Variants in SLFN14 observed in about 807,000 individuals in gnomAD.
SLFN14 encodes the protein protein SLFN14.
Under a neutral mutation model 58.6 loss-of-function variants are expected in SLFN14, and 47 were observed. The ratio of observed to expected loss-of-function variants is 0.80; its 90% confidence interval spans 0.64 to 1.02. The LOEUF (loss-of-function observed/expected upper bound fraction) is 1.02. SLFN14 is among the 50% of genes least tolerant of loss of function. The pLI is 0.00. For synonymous variants in SLFN14, 390 were observed against 387.3 expected (o/e 1.01, Z -0.08); for missense variants, 967 against 1,078.4 (o/e 0.90, Z 1.45).
chr17:35,548,748 C>T lies in SLFN14; in HGVS notation c.2230G>A (p.Glu744Lys), dbSNP rs1392734933. Reference sequence around the variant, plus strand: ...TTTTCTTTGATCCTCTTCATTTCTTCTTTCATAACCTTCGCTATTTCCAGA... The same window carrying T: ...TTTTCTTTGATCCTCTTCATTTCTTTTTTCATAACCTTCGCTATTTCCAGA... ...CALEIAKVMKEEMKRIKENPP... is the reference protein window; with the variant it reads ...CALEIAKVMKKEMKRIKENPP... Residue 744 changes from glutamate to lysine, a missense_variant, in exon 6 of 6, where the codon GAA becomes AAA. By Grantham distance (56) the Glu-to-Lys change is moderately conservative. Coordinates refer to ENST00000674182, the MANE Select transcript of SLFN14 (RefSeq NM_001129820.2). 6.4e-7 allele frequency: 1 copy of T among 1,551,730 alleles called. No individual in the cohort carries two copies. The highest frequency in any genetic ancestry group is 8.7e-7 in the Non-Finnish European group (1 of 1,147,002).
rs532318792 is a variant in SLFN14 at position 35,557,325 on chromosome 17, C to G, written c.738G>C (p.Gly246=). 1 of 1,551,662 alleles carries G rather than the reference C, an allele frequency of 6.4e-7. No individual in the cohort carries two copies. Among genetic ancestry groups the G allele is most frequent in the East Asian group, 2.4e-5 (1 of 40,918 alleles). Residue 246 remains glycine, a synonymous_variant, in exon 3 of 6, where the codon GGG becomes GGC. Coordinates refer to ENST00000674182, the MANE Select transcript of SLFN14 (RefSeq NM_001129820.2). The part of the protein sequence containing the change: ...ANTQGGYVLI[G]VDDKSKEVVG... ...CCACTTCTTTGCTCTTATCATCCAC[C>G]CCAATGAGGACATATCCCCCTTGAG... is the stretch of plus-strand genomic sequence containing the variant.
Position 35,553,077 on chromosome 17 carries a change from CTG to C in SLFN14, c.1555_1556del (p.Gln519GlufsTer2). 1.9e-6 allele frequency: 3 copies of C among 1,551,670 alleles called. No homozygotes were observed. In the African/African-American group the frequency reaches 4.1e-5, roughly 21 times the overall value. On this transcript the variant is annotated frameshift_variant, in exon 5 of 6. Transcript: ENST00000674182. LOFTEE classifies it high-confidence loss of function. ...IPRLIHLSST[Q>X]SRPGEIPLRY... ...GCAGGGGGATCTCACCAGGTCTACTCTGTGTGCTGCTCAGGTGTATCAGCCTT... is the reference window on the plus strand; with the variant it reads ...GCAGGGGGATCTCACCAGGTCTACTCTGTGCTGCTCAGGTGTATCAGCCTT...
chr17:35,553,710 C>A (rs1227741859), intron 4 of SLFN14, among the ~76,000 whole-genome samples: 1 of 152,106 alleles, frequency 6.6e-6, no homozygotes, highest in African/African-American at 2.4e-5. Flanking sequence ...GTGATCTTGG[C>A]TCACTGCAGC....
chr17:35,548,056 G>A lies in SLFN14; in HGVS notation c.*183C>T. On this transcript the variant is annotated 3_prime_UTR_variant, in exon 6 of 6. Transcript: ENST00000674182. ...GTATAGGTAGGAGGTGAAGGAAATT[G>A]TGAAAAGGCCAGTGGCATTGAAATA... 1.6e-6 allele frequency: 1 copy of A among 625,604 alleles called. No individual in the cohort carries two copies. The highest frequency in any genetic ancestry group is 2.1e-5 in the South Asian group (1 of 48,250). 38.8% of individuals were successfully genotyped at this position (625,604 alleles called of 1,614,324 possible).
chr17:35,558,952 T>C (rs1295589107), intron 2 of SLFN14, among the ~76,000 whole-genome samples: 3 of 152,072 alleles, frequency 2.0e-5, no homozygotes, highest in Non-Finnish European at 2.9e-5. Flanking sequence ...AGCTCACATG[T>C]GTAATCTCAG....
At chr17:35,552,599 A>AAT (rs1193156197) in intron 5 of SLFN14, 131 bp downstream of exon 5, 64 of 321,366 alleles carry the variant, frequency 2.0e-4, no homozygotes, top group Middle Eastern at 1.1e-3. Context: ...CTGCAAAAAG[A>AAT]ATATATATAT....
chr17:35,549,488 T>C (rs1166480973), intron 5 of SLFN14, among the ~76,000 whole-genome samples: 2 of 152,242 alleles, frequency 1.3e-5, no homozygotes, highest in African/African-American at 4.8e-5. Context: ...ATGCATATCA[T>C]AATTTTTATG....
intron 4 of SLFN14, among the ~76,000 whole-genome samples, chr17:35,554,135 T>A (rs1430865502): frequency 6.6e-6 from 1 of 151,866 alleles, no homozygotes; most frequent in South Asian, 2.1e-4. Flanking sequence ...TGGCTCCTTC[T>A]GCATTGGAAA....
intron 5 of SLFN14, among the ~76,000 whole-genome samples, chr17:35,549,377 C>T: frequency 6.6e-6 from 1 of 152,328 alleles, no homozygotes; most frequent in South Asian, 2.1e-4. Flanking sequence ...ATCCTGAAGA[C>T]AAGTTCATTA....
At position 35,545,343 on chromosome 17, in the gene SLFN14, G is replaced by A. The variant is rs539838031; in HGVS notation, c.*2896C>T. Among the ~76,000 whole-genome samples the A allele has an allele frequency of 3.3e-5, 5 of 152,248 alleles. No individual in the cohort carries two copies. The South Asian group carries it at 1.0e-3, about 32-fold the overall frequency. On this transcript the variant is annotated 3_prime_UTR_variant, in exon 6 of 6. Transcript: ENST00000674182. ...TGAGGCACTGTACTAGTTGCTCTAG[G>A]GGAAATAAGGATGTGTAAGTGACTC...
In SLFN14 at chr17:35,548,736, T is replaced by C; in HGVS notation, c.2242A>G (p.Arg748Gly). The part of the protein sequence containing the change: ...IAKVMKEEMK[R>G]IKENPPSNMS... ...TTGGAGGGAGGATTTTCTTTGATCC[T>C]CTTCATTTCTTCTTTCATAACCTTC... The change falls in exon 6 of 6, where the codon AGG becomes GGG. Residue 748 changes from arginine (R) to glycine (G), a missense_variant. Coordinates refer to ENST00000674182, the MANE Select transcript of SLFN14 (RefSeq NM_001129820.2). 3.2e-6 allele frequency: 5 copies of C among 1,551,738 alleles called. No individual in the cohort carries two copies. The highest frequency in any genetic ancestry group is 4.4e-6 in the Non-Finnish European group (5 of 1,147,002).
intron 3 of SLFN14, among the ~76,000 whole-genome samples, chr17:35,554,946 T>C (rs1476939865): frequency 1.3e-5 from 2 of 152,108 alleles, no homozygotes; most frequent in African/African-American, 4.8e-5. Context: ...GCAAGTCATT[T>C]CACCTCTCTC....
At chr17:35,556,880 G>A (rs2072656753) in intron 3 of SLFN14, 123 bp downstream of exon 3, 2 of 906,294 alleles carry the variant, frequency 2.2e-6, no homozygotes, top group Non-Finnish European at 3.2e-6. Flanking sequence ...ACTGTAATGG[G>A]AGAACACTTA....
rs1311970185 is a variant in SLFN14 at position 35,553,024 on chromosome 17, T to C, written c.1610A>G (p.Asp537Gly). The C allele has an allele frequency of 1.2e-5, 19 of 1,551,550 alleles. No individual in the cohort carries two copies. The highest frequency in any genetic ancestry group is 1.6e-5 in the Non-Finnish European group (18 of 1,146,956). The change falls in exon 5 of 6, where the codon GAT becomes GGT. Residue 537 changes from aspartate (D) to glycine (G), a missense_variant. Coordinates refer to ENST00000674182, the MANE Select transcript of SLFN14 (RefSeq NM_001129820.2). Reference sequence around the variant, plus strand: ...CAGCAAGTCTTCCATTTCCTCCTCATCAGCAAGCCTGTAGGACCTGGGGTA... The same window carrying C: ...CAGCAAGTCTTCCATTTCCTCCTCACCAGCAAGCCTGTAGGACCTGGGGTA... Reference protein sequence around the residue: ...LRYPRSYRLADEEEMEDLLQA... With the variant: ...LRYPRSYRLAGEEEMEDLLQA...
Position 35,553,351 on chromosome 17 carries a change from A to T in SLFN14, c.1283T>A (p.Ile428Lys), listed in dbSNP as rs1177485595. 24 of 1,551,558 alleles carry T rather than the reference A, an allele frequency of 1.5e-5. No homozygotes were observed. In the South Asian group the frequency reaches 2.7e-4, roughly 18 times the overall value. ...KELEGLMKTL[I>K]HPCSQGIVIF... ...CACAATCCCCTGAGAACAAGGATGT[A>T]TCAGGGTCTTCATTAAACCCTCCAG... Residue 428 changes from isoleucine (I) to lysine (K), a missense_variant, in exon 5 of 6, where the codon ATA (isoleucine) becomes AAA (lysine). Coordinates refer to ENST00000674182, the MANE Select transcript of SLFN14 (RefSeq NM_001129820.2).
rs978636321 is a variant in SLFN14 at position 35,546,686 on chromosome 17, A to G, written c.*1553T>C. On this transcript the variant is annotated 3_prime_UTR_variant, in exon 6 of 6. Coordinates refer to ENST00000674182, the MANE Select transcript of SLFN14 (RefSeq NM_001129820.2). ...TCAGCCATTTGGGGAACTGACTAGAAAAGGGGAACTTTGATTTCATTTCTA... is the reference window on the plus strand; with the variant it reads ...TCAGCCATTTGGGGAACTGACTAGAGAAGGGGAACTTTGATTTCATTTCTA... Among the ~76,000 whole-genome samples, 3 of 152,262 alleles carry G rather than the reference A, an allele frequency of 2.0e-5. No individual in the cohort carries two copies. The highest frequency in any genetic ancestry group is 4.8e-5 in the African/African-American group (2 of 41,462).
rs889288005 is a variant in SLFN14 at position 35,545,570 on chromosome 17, CT to C, written c.*2668del. Reference sequence around the variant, plus strand: ...AGTGCAGTGGAGTAATCATAGGTCACTGTAGCCTCAAACTCCTGGGCTCAAG... The same window carrying C: ...AGTGCAGTGGAGTAATCATAGGTCACGTAGCCTCAAACTCCTGGGCTCAAG... On this transcript the variant is annotated 3_prime_UTR_variant, in exon 6 of 6. Coordinates refer to ENST00000674182, the MANE Select transcript of SLFN14 (RefSeq NM_001129820.2). Among the ~76,000 whole-genome samples the C allele has an allele frequency of 2.7e-4, 41 of 152,258 alleles. No homozygotes were observed. Among genetic ancestry groups the C allele is most frequent in the African/African-American group, 9.9e-4 (41 of 41,548 alleles).
Position 35,553,357 on chromosome 17 carries a change from G to A in SLFN14, c.1277C>T (p.Thr426Ile), listed in dbSNP as rs190500366. 6.4e-7 allele frequency: 1 copy of A among 1,551,602 alleles called. No homozygotes were observed. Among genetic ancestry groups the A allele is most frequent in the Non-Finnish European group, 8.7e-7 (1 of 1,146,984 alleles). ...CCCCTGAGAACAAGGATGTATCAGG[G>A]TCTTCATTAAACCCTCCAGTTCTTT... ...DHKELEGLMK[T>I]LIHPCSQGIV... The change falls in exon 5 of 6, where the codon ACC becomes ATC. Residue 426 changes from threonine to isoleucine, a missense_variant. Transcript: ENST00000674182.
chr17:35,546,461 AC>A lies in SLFN14; in HGVS notation c.*1777del, dbSNP rs2072535464. The stretch of plus-strand genomic sequence containing the variant: ...TTCTCGAAACCCTGCCTGCTCTTCC[AC>A]CTCTTGGAAGGCTGAGGGGCTTTAT... On this transcript the variant is annotated 3_prime_UTR_variant, in exon 6 of 6. Transcript: ENST00000674182. 6.6e-6 allele frequency among the ~76,000 whole-genome samples: 1 copy of A among 152,146 alleles called. No individual in the cohort carries two copies. Among genetic ancestry groups the A allele is most frequent in the African/African-American group, 2.4e-5 (1 of 41,420 alleles).
Sources: allele counts gnomAD v4.1 joint callset (sites outside exome capture counted in the v4.1 genomes callset), GRCh38; gene constraint gnomAD v4.1.1; transcripts MANE v1.5; gene names NCBI Gene and HGNC (gene_info 2026-07-23, HGNC 2026-07-21).